Variants in HSPG2 observed in about 807,000 individuals in gnomAD.
The protein encoded by HSPG2 is heparan sulfate proteoglycan 2.
In HSPG2, 278 loss-of-function variants were observed where a neutral mutation model predicts 526.6. The ratio of observed to expected loss-of-function variants is 0.53; its 90% confidence interval spans 0.48 to 0.58. The LOEUF (loss-of-function observed/expected upper bound fraction) is 0.58, where lower values mean the gene tolerates loss of function less well. Ranked by LOEUF, HSPG2 falls within the 20% of genes least tolerant of loss-of-function variation. The pLI is 0.00. For missense variants in HSPG2, 5,354 were observed against 6,099.5 expected, an observed-to-expected ratio of 0.88 and a Z score of 4.07; for synonymous variants, 2,465 against 2,555.4, an observed-to-expected ratio of 0.96 and a Z score of 1.07.
chr1:21,846,562 G>C lies in HSPG2; in HGVS notation c.8202C>G (p.Ser2734=). Reference sequence around the variant, plus strand: ...TCTCCCCTTCGGCCACGTGTGAGGAGGATGACTCAATTCTGATGGGCATGG... The same window carrying C: ...TCTCCCCTTCGGCCACGTGTGAGGACGATGACTCAATTCTGATGGGCATGG... The part of the protein sequence containing the change: ...GSSMPIRIES[S]SSHVAEGETL... Residue 2734 remains serine, a synonymous_variant, in exon 63 of 97, where the codon TCC becomes TCG. Transcript: ENST00000374695. 6.2e-7 allele frequency: 1 copy of C among 1,613,730 alleles called. No homozygotes were observed. Among genetic ancestry groups the C allele is most frequent in the Non-Finnish European group, 8.5e-7 (1 of 1,180,042 alleles).
chr1:21,854,981 G>C lies in HSPG2; in HGVS notation c.6000C>G (p.Ala2000=), dbSNP rs772185792. The C allele has an allele frequency of 3.7e-5, 60 of 1,612,348 alleles. No individual in the cohort carries two copies. Among genetic ancestry groups the C allele is most frequent in the Non-Finnish European group, 2.5e-6 (3 of 1,180,000 alleles). The change falls in exon 48 of 97, where the codon GCC becomes GCG. Residue 2000 remains alanine, a splice_region_variant and synonymous_variant. Coordinates refer to ENST00000374695, the MANE Select transcript of HSPG2 (RefSeq NM_005529.7). The part of the protein sequence containing the change: ...RKEGGSLPPQ[A]RSERTDIATL... ...TCGCGATGTCTGTGCGCTCTGACCG[G>C]GCCTGCCGTGGGTGAGATGGGTCAG... is the stretch of plus-strand genomic sequence containing the variant.
chr1:21,837,445 A>ATT (rs548828521), intron 74 of HSPG2, among the ~76,000 whole-genome samples: 23 of 139,424 alleles, frequency 1.6e-4, no homozygotes, highest in African/African-American at 2.9e-4. Context: ...TGCCTGGCTA[A>ATT]TTTTTTTTTT....
intron 28 of HSPG2, 21 bp from the exon 29 acceptor site, chr1:21,874,032 C>T (rs1364592357): frequency 6.3e-7 from 1 of 1,583,146 alleles, no homozygotes; most frequent in Non-Finnish European, 8.6e-7. Context: ...GGGCAGATTT[C>T]TAGTCAGGAA....
At chr1:21,932,374 C>T (rs920088126) in intron 1 of HSPG2, among the ~76,000 whole-genome samples, 3 of 152,212 alleles carry the variant, frequency 2.0e-5, no homozygotes, top group African/African-American at 7.2e-5. Flanking sequence ...GGGCAAGTTA[C>T]GTAACCTCTC....
At position 21,876,334 on chromosome 1, in the gene HSPG2, C is replaced by T. The variant is rs1209824288; in HGVS notation, c.2898G>A (p.Glu966=). The T allele has an allele frequency of 3.1e-6, 5 of 1,613,946 alleles. No individual in the cohort carries two copies. In the South Asian group the frequency reaches 5.5e-5, roughly 18 times the overall value. Residue 966 remains glutamate, a synonymous_variant, in exon 23 of 97, where the codon GAG becomes GAA. Transcript: ENST00000374695. ...CCCCGGGCGTGGGGGAGAAGATGCC[C>T]TCGTTGGTGGTGTGGGTGCTTGCGG... ...TNAASTHTTN[E]GIFSPTPGEL...
At chr1:21,832,837 G>T (rs1322885590) in intron 80 of HSPG2, 3 of 593,830 alleles carry the variant, frequency 5.1e-6, no homozygotes, top group Non-Finnish European at 9.0e-6. Context: ...ACACACACTG[G>T]AGTCTCCCTC....
At chr1:21,889,146 G>T (rs1179445885) in intron 6 of HSPG2, among the ~76,000 whole-genome samples, 1 of 152,170 alleles carries the variant, frequency 6.6e-6, no homozygotes, top group Non-Finnish European at 1.5e-5. Flanking sequence ...TCCTAATTGG[G>T]CTACACCATA....
At chr1:21,832,163 C>T (rs958914471) in intron 81 of HSPG2, among the ~76,000 whole-genome samples, 5 of 152,188 alleles carry the variant, frequency 3.3e-5, no homozygotes, top group Non-Finnish European at 5.9e-5. Context: ...TACACCTCTT[C>T]CCACAAGAGC....
Position 21,872,924 on chromosome 1 carries a change from G to A in HSPG2, c.3888+73C>T, listed in dbSNP as rs751811227. On this transcript the variant is annotated intron_variant, in intron 31 of 96. Coordinates refer to ENST00000374695, the MANE Select transcript of HSPG2 (RefSeq NM_005529.7). This position sits in a 1 kb window ranked among gnomAD's most constrained non-coding sequence, Gnocchi z 5.5. ...GCCCAGGTCTCGGCTTCCACCAGAT[G>A]CTGCCTGATTTCCCCGCAGGGTCTG... The A allele has an allele frequency of 1.3e-6, 2 of 1,554,118 alleles. No homozygotes were observed. The highest frequency in any genetic ancestry group is 1.1e-5 in the South Asian group (1 of 89,940).
At position 21,824,178 on chromosome 1, in the gene HSPG2, C is replaced by T. The variant is rs151184052; in HGVS notation, c.12842G>A (p.Arg4281His). 2.4e-4 allele frequency: 386 copies of T among 1,613,710 alleles called. 2 individuals carry two copies. In the African/African-American group the frequency reaches 3.8e-3, roughly 16 times the overall value. Residue 4281 changes from arginine (R) to histidine (H), a missense_variant, in exon 95 of 97, where the codon CGC (arginine) becomes CAC (histidine). Physicochemically the swap from Arg to His is conservative, Grantham distance 29. Coordinates refer to ENST00000374695, the MANE Select transcript of HSPG2 (RefSeq NM_005529.7). The surrounding 1 kb of genome is among the most constrained non-coding windows in gnomAD (Gnocchi z 5.9). ...FRYQLGSGEA[R>H]LVSEDPINDG... ...ATTGATGGGGTCCTCAGAGACCAGG[C>T]GGGCCTCCCCACTACCCAGCTGGTA...
chr1:21,880,727 G>A lies in HSPG2; in HGVS notation c.1927C>T (p.Arg643Cys), dbSNP rs575688004. Residue 643 changes from arginine to cysteine, a missense_variant, in exon 15 of 97, where the codon CGC becomes TGC. Physicochemically the swap from Arg to Cys is radical, Grantham distance 180. Transcript: ENST00000374695. ...GGTGTGTGGCCTCGGGAGAGGAGGC[G>A]GTACCCGGCACCCATGAGGACCACG... is the stretch of plus-strand genomic sequence containing the variant. ...PDVVLMGAGY[R>C]LLSRGHTPTQ... 4.4e-6 allele frequency: 7 copies of A among 1,601,490 alleles called. No homozygotes were observed. The highest frequency in any genetic ancestry group is 2.3e-5 in the South Asian group (2 of 88,784).
rs769706300 is a variant in HSPG2, at chr1:21,846,261, T to C, written c.8317-6A>G. 1.2e-5 allele frequency: 19 copies of C among 1,612,858 alleles called. No homozygotes were observed. The highest frequency in any genetic ancestry group is 2.2e-5 in the East Asian group (1 of 44,882). On this transcript the variant is annotated splice_region_variant and splice_polypyrimidine_tract_variant and intron_variant, in intron 63 of 96. Coordinates refer to ENST00000374695, the MANE Select transcript of HSPG2 (RefSeq NM_005529.7). ...CGCAGCCGTGAGCCGCGGGTCTGAA[T>C]AGGGGACAGGACAGAGGAACAGAGT...
At chr1:21,902,452 C>T (rs536807844) in intron 1 of HSPG2, among the ~76,000 whole-genome samples, 2 of 152,364 alleles carry the variant, frequency 1.3e-5, no homozygotes, top group South Asian at 4.1e-4. Flanking sequence ...AGATCCACCA[C>T]AACCTCACGA....
chr1:21,830,297 G>A (rs928913587), intron 85 of HSPG2: 5 of 598,762 alleles, frequency 8.4e-6, no homozygotes, highest in South Asian at 2.0e-5. Context: ...GGAAGCAGTC[G>A]AGGGACTCTG....
At chr1:21,855,231 G>T (rs185816087) in intron 47 of HSPG2, 73 bp downstream of exon 47, 66 of 1,532,302 alleles carry the variant, frequency 4.3e-5, no homozygotes, top group Non-Finnish European at 5.5e-5. Context: ...GGGCGTGAAG[G>T]GGGAGGGAAG....
At chr1:21,874,750 G>A (rs1640913375) in intron 26 of HSPG2, 21 bp from the exon 27 acceptor site, 1 of 1,578,682 alleles carries the variant, frequency 6.3e-7, no homozygotes, top group Admixed American at 1.8e-5. Context: ...AAAGATGGCA[G>A]TGGGAGGGAC....
chr1:21,907,893 G>A (rs902933278), intron 1 of HSPG2, among the ~76,000 whole-genome samples: 1 of 152,196 alleles, frequency 6.6e-6, no homozygotes, highest in African/African-American at 2.4e-5. Context: ...GAGGCCATGA[G>A]CAAGTCATTT....
chr1:21,842,703 G>A (rs1003299413), intron 67 of HSPG2, 67 bp downstream of exon 67: 20 of 1,599,220 alleles, frequency 1.3e-5, no homozygotes, highest in Non-Finnish European at 1.7e-5. Context: ...ATGAGGTTTG[G>A]GTACAGAAAG....
In HSPG2 at chr1:21,822,522, G is replaced by A. The variant is rs2097954484; in HGVS notation, c.*794C>T. On this transcript the variant is annotated 3_prime_UTR_variant, in exon 97 of 97. Coordinates refer to ENST00000374695, the MANE Select transcript of HSPG2 (RefSeq NM_005529.7). ...TCCGTTGTCTGTTGGAGGAGTCCCT[G>A]GGCCTTCACTTCCAGATGGGTGGGG... The A allele has an allele frequency of 2.4e-6, 1 of 417,196 alleles. No homozygotes were observed. The highest frequency in any genetic ancestry group is 3.5e-5 in the Admixed American group (1 of 28,574). The allele number at this position is 417,196 out of a possible 1,614,324, so 25.8% of individuals were successfully genotyped here.
Sources: gnomAD v4.1 joint callset for allele counts (sites outside exome capture counted in the v4.1 genomes callset) on GRCh38, gnomAD v4.1.1 for gene constraint, Gnocchi (gnomAD v3.1) non-coding constraint, MANE v1.5 for transcripts, NCBI Gene and HGNC (gene_info 2026-07-23, HGNC 2026-07-21) for gene names.